The following DLG2 variants were observed in gnomAD, a reference collection of about 807,000 sequenced individuals.
DLG2 encodes discs large MAGUK scaffold protein 2, also known as disks large homolog 2.
Under a neutral mutation model 132.5 loss-of-function variants are expected in DLG2, and 45 were observed. That is an observed-to-expected ratio of 0.34 (90% CI 0.27 to 0.44). DLG2 has a LOEUF of 0.44. Among genes scored for constraint, DLG2 ranks in the 20% least tolerant of loss-of-function variants. DLG2 has a pLI of 1.00. For synonymous variants in DLG2, 424 were observed against 419.6 expected (o/e 1.01, Z -0.13); for missense variants, 1,045 against 1,196.9 (o/e 0.87, Z 1.87).
At chr11:85,491,017 C>T (rs1394855647) in intron 3 of DLG2, among the ~76,000 whole-genome samples, 1 of 151,884 alleles carries the variant, frequency 6.6e-6, no homozygotes, top group Admixed American at 6.5e-5. Flanking sequence ...TACATAAAAA[C>T]TCTCAACAAA....
intron 5 of DLG2, among the ~76,000 whole-genome samples, chr11:85,132,266 C>T (rs1380759108): frequency 6.6e-6 from 1 of 151,814 alleles, no homozygotes; most frequent in Non-Finnish European, 1.5e-5. Flanking sequence ...AGATTTTTTT[C>T]CTTTAAAATA....
At chr11:84,973,966 C>T (rs974433671) in intron 6 of DLG2, among the ~76,000 whole-genome samples, 1 of 152,184 alleles carries the variant, frequency 6.6e-6, no homozygotes, top group Non-Finnish European at 1.5e-5. Flanking sequence ...GTTCAGCAAG[C>T]TGTATTTGGC....
intron 7 of DLG2, among the ~76,000 whole-genome samples, chr11:84,373,268 A>AAAAAAAAAAAAAAAAAAAAAAAC (rs1567449347): frequency 2.2e-5 from 3 of 135,742 alleles, no homozygotes; most frequent in Non-Finnish European, 4.6e-5. Flanking sequence ...AAAAAAACAA[A>AAAAAAAAAAAAAAAAAAAAAAAC]ACAAAAAAAA....
At chr11:84,929,635 A>G (rs1054304221) in intron 6 of DLG2, among the ~76,000 whole-genome samples, 1 of 152,136 alleles carries the variant, frequency 6.6e-6, no homozygotes, top group African/African-American at 2.4e-5. Flanking sequence ...AACAAAGAAC[A>G]TTCTTCCCTT....
chr11:84,619,659 A>G (rs2154540792), intron 6 of DLG2, among the ~76,000 whole-genome samples: 1 of 151,778 alleles, frequency 6.6e-6, no homozygotes, highest in East Asian at 1.9e-4. Context: ...ATATAGAAGG[A>G]AAAAAGATAC....
Position 83,669,078 on chromosome 11 carries a change from G to C in DLG2, c.1826-35753C>G, listed in dbSNP as rs183171273. ...TCTATTGGAATATTTTCCCAATCCT[G>C]AGCTTGTACTAATTGATCTGTTTAT... On this transcript the variant is annotated intron_variant, in intron 18 of 27. Coordinates refer to ENST00000376104, the MANE Select transcript of DLG2 (RefSeq NM_001142699.3). 1.5e-3 allele frequency among the ~76,000 whole-genome samples: 233 copies of C among 151,944 alleles called. 1 individual carries two copies. The highest frequency in any genetic ancestry group is 5.6e-3 in the African/African-American group (230 of 41,414).
At chr11:83,689,446 A>G (rs927761303) in intron 18 of DLG2, among the ~76,000 whole-genome samples, 3 of 152,168 alleles carry the variant, frequency 2.0e-5, no homozygotes, top group Non-Finnish European at 4.4e-5. Flanking sequence ...GAACTTCTTC[A>G]ATGCAATGAA....
intron 8 of DLG2, among the ~76,000 whole-genome samples, chr11:84,249,587 T>C (rs2097345788): frequency 6.6e-6 from 1 of 152,182 alleles, no homozygotes; most frequent in Non-Finnish European, 1.5e-5. Context: ...ATAGGATTGT[T>C]ATGAGGATTA....
chr11:84,922,156 A>T (rs895850501), intron 6 of DLG2, among the ~76,000 whole-genome samples: 2 of 151,894 alleles, frequency 1.3e-5, no homozygotes, highest in African/African-American at 2.4e-5. Flanking sequence ...TAAAAAGGGG[A>T]AACACTTTAT....
At chr11:84,352,654 G>A (rs200988918) in intron 7 of DLG2, among the ~76,000 whole-genome samples, 65 of 152,224 alleles carry the variant, frequency 4.3e-4, no homozygotes, top group Admixed American at 2.1e-3. Context: ...ATTCATTGGC[G>A]CAAGTAGTGG....
chr11:85,364,626 A>C (rs2152905682), intron 3 of DLG2, among the ~76,000 whole-genome samples: 1 of 152,254 alleles, frequency 6.6e-6, no homozygotes, highest in East Asian at 1.9e-4. Flanking sequence ...TCTGAAAAAA[A>C]CCATTTAAAC....
intron 6 of DLG2, among the ~76,000 whole-genome samples, chr11:84,750,900 T>C (rs1219707250): frequency 1.3e-5 from 2 of 152,194 alleles, no homozygotes; most frequent in Non-Finnish European, 2.9e-5. Context: ...AATTAACACT[T>C]CCCAGTGGTT....
Position 84,723,409 on chromosome 11 carries a change from A to G in DLG2, c.358-188678T>C, listed in dbSNP as rs1185309218. Among the ~76,000 whole-genome samples the G allele has an allele frequency of 3.3e-5, 5 of 152,176 alleles. No homozygotes were observed. In the East Asian group the frequency reaches 9.6e-4, roughly 29 times the overall value. ...CCTTGACTTTTTATGTTTAACTTTA[A>G]TCAGTGAGAGTTCATTTCTCTGTAT... On this transcript the variant is annotated intron_variant, in intron 6 of 27. Transcript: ENST00000376104.
rs78934247 is a variant in DLG2 at position 84,947,551 on chromosome 11, C to T, written c.357+164110G>A. Reference sequence around the variant, plus strand: ...CCAATCTCAACAGACTAGAAGCCTTCCCCCACCACACCCCTTGCTATGATG... The same window carrying T: ...CCAATCTCAACAGACTAGAAGCCTTTCCCCACCACACCCCTTGCTATGATG... On this transcript the variant is annotated intron_variant, in intron 6 of 27. Transcript: ENST00000376104. Among the ~76,000 whole-genome samples the T allele has an allele frequency of 3.3e-3, 502 of 152,312 alleles. 6 individuals are homozygous for T. The highest frequency in any genetic ancestry group is 0.011 in the African/African-American group (449 of 41,566).
chr11:85,118,434 A>G (rs2073926704), intron 5 of DLG2, among the ~76,000 whole-genome samples: 1 of 152,066 alleles, frequency 6.6e-6, no homozygotes, highest in African/African-American at 2.4e-5. Context: ...TAAACACTCT[A>G]CATTAAAATA....
At position 84,690,214 on chromosome 11, in the gene DLG2, T is replaced by C. The variant is rs542763167; in HGVS notation, c.358-155483A>G. ...GGAGTAATCAGTTTTAGATATTTATTGCACTACATGGTAGTCATAATTAAC... is the reference window on the plus strand; with the variant it reads ...GGAGTAATCAGTTTTAGATATTTATCGCACTACATGGTAGTCATAATTAAC... On this transcript the variant is annotated intron_variant, in intron 6 of 27. Transcript: ENST00000376104. Among the ~76,000 whole-genome samples the C allele has an allele frequency of 2.0e-5, 3 of 152,032 alleles. No individual in the cohort carries two copies. The South Asian group carries it at 6.2e-4, about 32-fold the overall frequency.
chr11:85,151,892 A>C (rs1027742506), intron 5 of DLG2, among the ~76,000 whole-genome samples: 1 of 152,208 alleles, frequency 6.6e-6, no homozygotes. Flanking sequence ...ACGCTTTTAA[A>C]ATAAGGATCA....
intron 6 of DLG2, among the ~76,000 whole-genome samples, chr11:84,657,397 C>A (rs1021438938): frequency 3.9e-5 from 6 of 152,104 alleles, no homozygotes; most frequent in South Asian, 4.1e-4. Context: ...GACTGGCAAG[C>A]CTGCCTCCCT....
intron 14 of DLG2, among the ~76,000 whole-genome samples, chr11:83,960,225 C>T (rs2088200297): frequency 6.6e-6 from 1 of 152,000 alleles, no homozygotes; most frequent in Non-Finnish European, 1.5e-5. Flanking sequence ...TTCTTTGATG[C>T]CATAGGTTAT....
Sources: allele counts gnomAD v4.1 joint callset (sites outside exome capture counted in the v4.1 genomes callset), GRCh38; gene constraint gnomAD v4.1.1; transcripts MANE v1.5; gene names NCBI Gene and HGNC (gene_info 2026-07-23, HGNC 2026-07-21).